Variants in THSD4 observed in about 807,000 individuals in gnomAD.
The protein encoded by THSD4 is thrombospondin type 1 domain containing 4.
A neutral mutation model predicts 119.0 loss-of-function variants in THSD4; 69 were observed. The ratio of observed to expected loss-of-function variants is 0.58; its 90% CI spans 0.48 to 0.71. The LOEUF is 0.71. Ranked by LOEUF, THSD4 falls within the 30% of genes least tolerant of loss-of-function variation. The probability of loss-of-function intolerance (pLI) is 0.00; values close to 1 mark genes in which losing one functional copy is unlikely to be tolerated. For synonymous variants in THSD4, 524 were observed against 540.4 expected, an observed-to-expected ratio of 0.97 and a Z score of 0.42; for missense variants, 1,393 against 1,391.1, an observed-to-expected ratio of 1.00 and a Z score of -0.02.
chr15:71,298,952 A>G (rs2044906146), intron 6 of THSD4, among the ~76,000 whole-genome samples: 1 of 152,108 alleles, frequency 6.6e-6, no homozygotes, highest in Non-Finnish European at 1.5e-5. Context: ...ATGGCTGGAG[A>G]AGCAGAACCT....
chr15:71,121,311 C>A (rs2040407087), intron 1 of THSD4, among the ~76,000 whole-genome samples: 1 of 151,790 alleles, frequency 6.6e-6, no homozygotes, highest in Non-Finnish European at 1.5e-5. Context: ...CTGGAAAATG[C>A]TCAAAACTAT....
At chr15:71,158,005 G>A (rs2040797024) in intron 3 of THSD4, among the ~76,000 whole-genome samples, 2 of 152,110 alleles carry the variant, frequency 1.3e-5, no homozygotes, top group East Asian at 3.9e-4. Context: ...ATATGCAATT[G>A]TGGGATTGTT....
At chr15:71,755,883 G>A (rs1224338651) in intron 14 of THSD4, among the ~76,000 whole-genome samples, 1 of 152,144 alleles carries the variant, frequency 6.6e-6, no homozygotes, top group Admixed American at 6.5e-5. Flanking sequence ...GAGCCTTAAA[G>A]GCTTCTGATC....
intron 6 of THSD4, chr15:71,341,801 T>C: frequency 1.3e-6 from 1 of 759,648 alleles, no homozygotes; most frequent in South Asian, 1.4e-5. Flanking sequence ...CCTCTTTTCT[T>C]CCTTCCTTCC....
intron 7 of THSD4, among the ~76,000 whole-genome samples, chr15:71,501,158 A>G (rs949905659): frequency 1.3e-5 from 2 of 152,038 alleles, no homozygotes; most frequent in African/African-American, 4.8e-5. Flanking sequence ...TAACAATAAG[A>G]TTGTTGTTGG....
chr15:71,498,288 G>A (rs372642870), intron 7 of THSD4, among the ~76,000 whole-genome samples: 1 of 152,034 alleles, frequency 6.6e-6, no homozygotes, highest in South Asian at 2.1e-4. Flanking sequence ...ATTATTTCTC[G>A]CCTAATTAAA....
intron 1 of THSD4, among the ~76,000 whole-genome samples, chr15:71,126,495 T>A (rs2040457917): frequency 6.6e-6 from 1 of 152,122 alleles, no homozygotes; most frequent in Non-Finnish European, 1.5e-5. Flanking sequence ...ATAGGGAAAG[T>A]TTAAATAAGA....
intron 6 of THSD4, among the ~76,000 whole-genome samples, chr15:71,325,261 A>G (rs2045323934): frequency 6.6e-6 from 1 of 152,240 alleles, no homozygotes; most frequent in Non-Finnish European, 1.5e-5. Context: ...TCTCTCATCC[A>G]GAAAAATGAG....
At chr15:71,532,762 A>G (rs995865137) in intron 7 of THSD4, among the ~76,000 whole-genome samples, 2 of 152,168 alleles carry the variant, frequency 1.3e-5, no homozygotes, top group African/African-American at 4.8e-5. Context: ...CTTTTTTCAG[A>G]AAGTAATAAT....
intron 6 of THSD4, among the ~76,000 whole-genome samples, chr15:71,331,461 A>G (rs897177596): frequency 6.6e-6 from 1 of 152,214 alleles, no homozygotes; most frequent in Non-Finnish European, 1.5e-5. Context: ...AACTTTTATG[A>G]AATGATTGTC....
At chr15:71,519,588 C>G in intron 7 of THSD4, among the ~76,000 whole-genome samples, 1 of 152,184 alleles carries the variant, frequency 6.6e-6, no homozygotes, top group Non-Finnish European at 1.5e-5. Flanking sequence ...TCTCAAACTC[C>G]TGACCTCAAG....
chr15:71,357,796 G>A (rs1038722306), intron 6 of THSD4, among the ~76,000 whole-genome samples: 1 of 152,186 alleles, frequency 6.6e-6, no homozygotes, highest in Non-Finnish European at 1.5e-5. Context: ...TTCCCCTTCT[G>A]TCTGAAAATA....
intron 7 of THSD4, among the ~76,000 whole-genome samples, chr15:71,527,111 A>G (rs977043026): frequency 6.6e-6 from 1 of 152,144 alleles, no homozygotes; most frequent in African/African-American, 2.4e-5. Context: ...CCCGGGGTTC[A>G]GCCTTTTTTG....
chr15:71,149,888 T>C (rs2040703273), intron 2 of THSD4, among the ~76,000 whole-genome samples: 1 of 152,116 alleles, frequency 6.6e-6, no homozygotes, highest in Non-Finnish European at 1.5e-5. Context: ...TCCAGTTCCA[T>C]GATGTAAATC....
At chr15:71,246,609 A>G (rs1348359397) in intron 5 of THSD4, among the ~76,000 whole-genome samples, 1 of 152,242 alleles carries the variant, frequency 6.6e-6, no homozygotes, top group Non-Finnish European at 1.5e-5. Flanking sequence ...CATGTTTAAT[A>G]TTAAGACCTA....
chr15:71,665,093 A>G (rs560357756), intron 8 of THSD4, among the ~76,000 whole-genome samples: 102 of 152,264 alleles, frequency 6.7e-4, no homozygotes, highest in African/African-American at 2.3e-3. Flanking sequence ...TAGTTGGAAA[A>G]TATTTACATT....
At chr15:71,155,874 C>T (rs1481869528) in intron 3 of THSD4, among the ~76,000 whole-genome samples, 1 of 152,096 alleles carries the variant, frequency 6.6e-6, no homozygotes, top group Non-Finnish European at 1.5e-5. Flanking sequence ...GCTGGTGACT[C>T]CCTTTGGCCA....
intron 6 of THSD4, among the ~76,000 whole-genome samples, chr15:71,258,587 C>CAAAATAAA (rs1453906284): frequency 6.6e-6 from 1 of 152,128 alleles, no homozygotes; most frequent in Non-Finnish European, 1.5e-5. Context: ...AAAATGATTT[C>CAAAATAAA]AAAATAAAAC....
At chr15:71,221,537 A>G (rs1567161714) in intron 4 of THSD4, among the ~76,000 whole-genome samples, 2 of 152,194 alleles carry the variant, frequency 1.3e-5, no homozygotes, top group African/African-American at 2.4e-5. Flanking sequence ...TGAATGATAC[A>G]GTATTTGTCG....
Sources: gnomAD v4.1 joint callset for allele counts (sites outside exome capture counted in the v4.1 genomes callset) on GRCh38, gnomAD v4.1.1 for gene constraint, MANE v1.5 for transcripts, NCBI Gene and HGNC (gene_info 2026-07-23, HGNC 2026-07-21) for gene names.